GRM7: variants seen among roughly 807,000 people sequenced by gnomAD.
GRM7 encodes the protein metabotropic glutamate receptor 7.
A neutral mutation model predicts 84.5 loss-of-function variants in GRM7; 35 were observed. The observed-to-expected ratio is 0.41, with a 90% confidence interval of 0.32 to 0.55. The LOEUF (loss-of-function observed/expected upper bound fraction) is 0.55, where lower values mean the gene tolerates loss of function less well. GRM7 is among the 20% of genes least tolerant of loss of function. The pLI is 0.19. For missense variants in GRM7, 1,003 were observed against 1,194.6 expected, an observed-to-expected ratio of 0.84 and a Z score of 2.36; for synonymous variants, 487 against 455.1, an observed-to-expected ratio of 1.07 and a Z score of -0.89.
At chr3:7,644,993 T>TTTC (rs1698554367) in intron 8 of GRM7, among the ~76,000 whole-genome samples, 1 of 152,016 alleles carries the variant, frequency 6.6e-6, no homozygotes, top group African/African-American at 2.4e-5. Context: ...CAGGAACATC[T>TTTC]TTCTGCAGAT....
rs1207633203 is a variant in GRM7, at chr3:7,086,314, C to T, written c.520-60138C>T. On this transcript the variant is annotated intron_variant, in intron 1 of 9. Coordinates refer to ENST00000357716, the MANE Select transcript of GRM7 (RefSeq NM_000844.4). Reference sequence around the variant, plus strand: ...GGTATATGTGTGTATAAATCTGTATCCACTTATAAATATATATCTTAAAAT... The same window carrying T: ...GGTATATGTGTGTATAAATCTGTATTCACTTATAAATATATATCTTAAAAT... Among the ~76,000 whole-genome samples the T allele has an allele frequency of 4.6e-5, 7 of 151,998 alleles. No individual in the cohort carries two copies. In the South Asian group the frequency reaches 1.2e-3, roughly 27 times the overall value.
intron 5 of GRM7, among the ~76,000 whole-genome samples, chr3:7,438,462 C>T (rs1374639803): frequency 6.6e-6 from 1 of 151,938 alleles, no homozygotes; most frequent in Non-Finnish European, 1.5e-5. Context: ...AAAGGAATTA[C>T]TTAAACAGAA....
intron 4 of GRM7, among the ~76,000 whole-genome samples, chr3:7,379,989 C>T (rs1478002290): frequency 6.6e-6 from 1 of 152,174 alleles, no homozygotes; most frequent in Non-Finnish European, 1.5e-5. Context: ...ACAGATAACC[C>T]TGTAGCAAGG....
chr3:7,585,452 A>G (rs1299781798), intron 8 of GRM7, among the ~76,000 whole-genome samples: 1 of 152,198 alleles, frequency 6.6e-6, no homozygotes, highest in Non-Finnish European at 1.5e-5. Flanking sequence ...TTTAGCTAGA[A>G]TAGCTACTTT....
At chr3:7,636,217 T>C (rs1698085081) in intron 8 of GRM7, 1 of 456,574 alleles carries the variant, frequency 2.2e-6, no homozygotes, top group South Asian at 1.5e-5. Context: ...TGAGCCTCAA[T>C]TTCTTTGTAA....
intron 4 of GRM7, among the ~76,000 whole-genome samples, chr3:7,308,618 A>C (rs188364745): frequency 8.5e-4 from 130 of 152,306 alleles, no homozygotes; most frequent in South Asian, 2.9e-3. Flanking sequence ...TTTATGCTGA[A>C]AATCTGAAGA....
intron 2 of GRM7, among the ~76,000 whole-genome samples, chr3:7,289,821 A>G (rs1479328629): frequency 7.1e-6 from 1 of 141,704 alleles, no homozygotes; most frequent in Admixed American, 7.4e-5. Context: ...GAACACATGG[A>G]CACAGGAAGG....
intron 4 of GRM7, among the ~76,000 whole-genome samples, chr3:7,348,600 A>G (rs552172378): frequency 6.6e-6 from 1 of 152,296 alleles, no homozygotes; most frequent in South Asian, 2.1e-4. Context: ...GCATTTGTCC[A>G]CACAATGATT....
chr3:7,666,288 C>G (rs1699697565), intron 8 of GRM7, among the ~76,000 whole-genome samples: 1 of 152,178 alleles, frequency 6.6e-6, no homozygotes, highest in Admixed American at 6.5e-5. Context: ...GAATAATATA[C>G]ACTAAGTCCT....
At chr3:7,201,300 G>T (rs1696062559) in intron 2 of GRM7, among the ~76,000 whole-genome samples, 1 of 152,082 alleles carries the variant, frequency 6.6e-6, no homozygotes, top group African/African-American at 2.4e-5. Flanking sequence ...ATTTTTTCAT[G>T]AGTTTGATTT....
chr3:7,225,842 G>A (rs1036293811), intron 2 of GRM7, among the ~76,000 whole-genome samples: 3 of 151,918 alleles, frequency 2.0e-5, no homozygotes, highest in African/African-American at 7.2e-5. Flanking sequence ...TGTGCAAATG[G>A]TACCTGGAAT....
At chr3:7,677,261 TTAAAAAAAAAAAAAAAAAAAAA>T (rs1700162752) in intron 8 of GRM7, among the ~76,000 whole-genome samples, 1 of 103,402 alleles carries the variant, frequency 9.7e-6, no homozygotes, top group Non-Finnish European at 1.8e-5. Context: ...GACTCTGTCT[TTAAAAAAAAAAAAAAAAAAAAA>T]AAAAAAAAAA....
intron 6 of GRM7, among the ~76,000 whole-genome samples, chr3:7,457,926 A>G (rs977719635): frequency 1.3e-5 from 2 of 152,148 alleles, no homozygotes; most frequent in Admixed American, 6.5e-5. Flanking sequence ...TGCTGTCCCC[A>G]CAGAGCTCTG....
At chr3:7,563,679 G>A (rs1694132562) in intron 7 of GRM7, among the ~76,000 whole-genome samples, 1 of 152,154 alleles carries the variant, frequency 6.6e-6, no homozygotes, top group African/African-American at 2.4e-5. Flanking sequence ...GTTAGAAGAG[G>A]CCAATGAAAC....
Position 6,993,450 on chromosome 3 carries a change from T to C in GRM7, c.519+131543T>C, listed in dbSNP as rs1694719663. 2.0e-5 allele frequency among the ~76,000 whole-genome samples: 3 copies of C among 152,254 alleles called. No homozygotes were observed. In the South Asian group the frequency reaches 6.2e-4, roughly 32 times the overall value. On this transcript the variant is annotated intron_variant, in intron 1 of 9. Transcript: ENST00000357716. Reference sequence around the variant, plus strand: ...TGAGAAAAAGCAAAGAAGTGGAAACTCAAAGACAGTAATTCAGATTAGCTC... The same window carrying C: ...TGAGAAAAAGCAAAGAAGTGGAAACCCAAAGACAGTAATTCAGATTAGCTC...
chr3:7,212,836 C>T (rs1314141916), intron 2 of GRM7, among the ~76,000 whole-genome samples: 1 of 152,186 alleles, frequency 6.6e-6, no homozygotes, highest in East Asian at 1.9e-4. Flanking sequence ...ATCCTCATCA[C>T]CTGTCAGGCA....
intron 1 of GRM7, among the ~76,000 whole-genome samples, chr3:7,088,386 A>G (rs1698535499): frequency 6.6e-6 from 1 of 152,166 alleles, no homozygotes; most frequent in Non-Finnish European, 1.5e-5. Context: ...TGTAAGCAAG[A>G]ATCTAAAATA....
chr3:6,865,722 T>C (rs1035922306), intron 1 of GRM7, among the ~76,000 whole-genome samples: 1 of 152,192 alleles, frequency 6.6e-6, no homozygotes, highest in Admixed American at 6.5e-5. Flanking sequence ...TATCAAACTT[T>C]TGGGATAATA....
At chr3:7,232,080 G>A (rs1697213272) in intron 2 of GRM7, among the ~76,000 whole-genome samples, 1 of 152,122 alleles carries the variant, frequency 6.6e-6, no homozygotes, top group Non-Finnish European at 1.5e-5. Context: ...CCTGGATGCA[G>A]TTATATCTGA....
Sources: allele counts gnomAD v4.1 joint callset (sites outside exome capture counted in the v4.1 genomes callset), GRCh38; gene constraint gnomAD v4.1.1; transcripts MANE v1.5; gene names NCBI Gene and HGNC (gene_info 2026-07-23, HGNC 2026-07-21).